The following PCDHA6 variants were observed in gnomAD, a reference collection of about 807,000 sequenced individuals.
PCDHA6 encodes protocadherin alpha 6.
In PCDHA6, 55 loss-of-function variants were observed where a neutral mutation model predicts 60.3. That is an observed-to-expected ratio of 0.91 (90% CI 0.73 to 1.14). The LOEUF (loss-of-function observed/expected upper bound fraction) is 1.14, where lower values mean the gene tolerates loss of function less well. Ranked by LOEUF, PCDHA6 falls within the 50% of genes most tolerant of loss-of-function variation. The pLI is 0.00. For synonymous variants in PCDHA6, 652 were observed against 557.9 expected (o/e 1.17, Z -2.38); for missense variants, 1,327 against 1,256.5 (o/e 1.06, Z -0.85).
At chr5:140,856,849 T>G (rs1327483649) in intron 1 of PCDHA6, 1 of 1,593,444 alleles carries the variant, frequency 6.3e-7, no homozygotes, top group African/African-American at 1.3e-5. Flanking sequence ...ACGCTTCTGA[T>G]TCGGATGAAG....
chr5:140,834,418 G>A (rs1248577104), intron 1 of PCDHA6: 19 of 1,611,550 alleles, frequency 1.2e-5, no homozygotes, highest in Non-Finnish European at 1.6e-5. Context: ...CCAGGGGGCC[G>A]ACATCTACTG....
At chr5:140,897,803 C>G (rs1285512803) in intron 1 of PCDHA6, among the ~76,000 whole-genome samples, 1 of 152,130 alleles carries the variant, frequency 6.6e-6, no homozygotes, top group Non-Finnish European at 1.5e-5. Context: ...AGAGTCCCAC[C>G]AACAGTGTAA....
chr5:140,877,815 A>T (rs782076422), intron 1 of PCDHA6: 21 of 1,609,380 alleles, frequency 1.3e-5, no homozygotes, highest in Non-Finnish European at 1.7e-5. Context: ...TGTCTCGAGA[A>T]GATTGTTTAA....
chr5:140,876,297 A>G, intron 1 of PCDHA6: 1 of 1,614,092 alleles, frequency 6.2e-7, no homozygotes, highest in Non-Finnish European at 8.5e-7. Flanking sequence ...GACTTAATGG[A>G]GAAATTTCCT....
intron 1 of PCDHA6, chr5:140,967,201 A>T: frequency 6.2e-7 from 1 of 1,613,620 alleles, no homozygotes; most frequent in Non-Finnish European, 8.5e-7. Flanking sequence ...ACGACAACTC[A>T]CCGCGTTTCC....
At chr5:140,921,856 GTA>G (rs1295273364) in intron 1 of PCDHA6, among the ~76,000 whole-genome samples, 4 of 151,824 alleles carry the variant, frequency 2.6e-5, no homozygotes, top group Non-Finnish European at 5.9e-5. Flanking sequence ...AGATGTGTGT[GTA>G]TATATACAGT....
intron 1 of PCDHA6, among the ~76,000 whole-genome samples, chr5:140,879,635 G>A (rs190054745): frequency 3.8e-4 from 58 of 152,286 alleles, no homozygotes; most frequent in African/African-American, 1.2e-3. Context: ...TAAGTGTGTC[G>A]CTTCCTGTGG....
At chr5:140,931,574 C>A (rs1311706898) in intron 1 of PCDHA6, among the ~76,000 whole-genome samples, 1 of 152,024 alleles carries the variant, frequency 6.6e-6, no homozygotes, top group Non-Finnish European at 1.5e-5. Flanking sequence ...CCATCCCATT[C>A]ATTCAGTTGA....
At chr5:140,969,933 C>T (rs2096370749) in intron 1 of PCDHA6, among the ~76,000 whole-genome samples, 1 of 152,192 alleles carries the variant, frequency 6.6e-6, no homozygotes, top group South Asian at 2.1e-4. Context: ...ATTTAGACAT[C>T]ATACTGAAGC....
chr5:140,969,586 C>A lies in PCDHA6; in HGVS notation c.2395-9363C>A. The A allele has an allele frequency of 3.4e-6, 3 of 894,952 alleles. No homozygotes were observed. In the Admixed American group the frequency reaches 9.0e-5, roughly 27 times the overall value. The allele number at this position is 894,952 out of a possible 1,614,324, so 55.4% of individuals were successfully genotyped here. A position where few individuals can be genotyped will look rare whatever the true frequency, so the allele number is the denominator to read the frequency against. ...AATTGTTTGAGAAGTGAGGATTAGT[C>A]TTAATATTTAATGCTAAAACACAGA... On this transcript the variant is annotated intron_variant, in intron 1 of 3. Transcript: ENST00000529310.
chr5:140,870,654 C>T lies in PCDHA6; in HGVS notation c.2394+40169C>T, dbSNP rs781878209. 10 of 1,612,444 alleles carry T rather than the reference C, an allele frequency of 6.2e-6. No homozygotes were observed. The African/African-American group carries it at 8.0e-5, about 13-fold the overall frequency. ...TGCACGCGGAGAGCGGCAAGGTGTACGCGCTGCAGCCGTTGGACCACGAGG... is the reference window on the plus strand; with the variant it reads ...TGCACGCGGAGAGCGGCAAGGTGTATGCGCTGCAGCCGTTGGACCACGAGG... On this transcript the variant is annotated intron_variant, in intron 1 of 3. Transcript: ENST00000529310.
intron 1 of PCDHA6, chr5:140,876,134 A>T: frequency 6.2e-7 from 1 of 1,613,962 alleles, no homozygotes; most frequent in Non-Finnish European, 8.5e-7. Flanking sequence ...GGTAAACCAG[A>T]ACTAACAGGG....
At chr5:140,919,217 G>T (rs1427737864) in intron 1 of PCDHA6, among the ~76,000 whole-genome samples, 1 of 152,090 alleles carries the variant, frequency 6.6e-6, no homozygotes, top group Non-Finnish European at 1.5e-5. Context: ...TGTCCTTCTT[G>T]ATTTCTAGTA....
intron 1 of PCDHA6, chr5:140,836,377 T>C (rs2150259122): frequency 1.2e-6 from 2 of 1,613,612 alleles, no homozygotes; most frequent in Non-Finnish European, 1.7e-6. Context: ...ACAGCCACCG[T>C]GCTGGTGTCG....
At chr5:140,902,558 T>G (rs2069554536) in intron 1 of PCDHA6, among the ~76,000 whole-genome samples, 2 of 152,242 alleles carry the variant, frequency 1.3e-5, no homozygotes, top group South Asian at 4.1e-4. Context: ...ACCCAGATTT[T>G]TGAGGGTTTT....
Position 140,859,254 on chromosome 5 carries a change from G to T in PCDHA6, c.2394+28769G>T, listed in dbSNP as rs1005222858. 2 of 131,816 alleles carry T rather than the reference G, an allele frequency of 1.5e-5. 1 individual carries two copies. The allele number at this position is 131,816 out of a possible 1,614,324, so 8.2% of individuals were successfully genotyped here. ...AGTCATGCTTATGTTTAATAATGAA[G>T]AGAATTTGAACACTTTTTACTTTTG... On this transcript the variant is annotated intron_variant, in intron 1 of 3. Transcript: ENST00000529310.
chr5:140,875,305 C>T, intron 1 of PCDHA6: 1 of 1,420,254 alleles, frequency 7.0e-7, no homozygotes, highest in South Asian at 1.6e-5. Context: ...TTTCTCCGCA[C>T]CCACATTCCA....
intron 1 of PCDHA6, chr5:140,968,133 A>G (rs782213191): frequency 1.5e-5 from 24 of 1,614,022 alleles, no homozygotes; most frequent in Middle Eastern, 3.3e-4. Flanking sequence ...CGTACACTGA[A>G]GGTTGAGATC....
intron 3 of PCDHA6, among the ~76,000 whole-genome samples, chr5:141,004,121 C>T (rs1250923202): frequency 6.6e-6 from 1 of 152,230 alleles, no homozygotes; most frequent in Non-Finnish European, 1.5e-5. Flanking sequence ...AAGGGAGTAT[C>T]TCCATGATTC....
Sources: gnomAD v4.1 joint callset for allele counts (sites outside exome capture counted in the v4.1 genomes callset) on GRCh38, gnomAD v4.1.1 for gene constraint, MANE v1.5 for transcripts, NCBI Gene and HGNC (gene_info 2026-07-23, HGNC 2026-07-21) for gene names.